Variants in PPM1G observed in about 807,000 individuals in gnomAD.
The protein encoded by PPM1G is protein phosphatase, Mg2+/Mn2+ dependent 1G.
PPM1G carries 12 observed loss-of-function variants against 59.4 expected under a neutral mutation model. The observed-to-expected ratio is 0.20, with a 90% confidence interval of 0.13 to 0.33. The LOEUF (loss-of-function observed/expected upper bound fraction) is 0.33. PPM1G is among the 10% of genes least tolerant of loss of function. PPM1G has a pLI of 1.00. For synonymous variants in PPM1G, 245 were observed against 251.9 expected (o/e 0.97, Z 0.26); for missense variants, 392 against 681.3 (o/e 0.58, Z 4.73).
intron 1 of PPM1G, chr2:27,393,377 T>C (rs1683966720): frequency 1.3e-6 from 2 of 1,539,416 alleles, no homozygotes; most frequent in East Asian, 4.5e-5. Flanking sequence ...TGCCGGCGAC[T>C]AAGGAGAGGC....
At position 27,384,040 on chromosome 2, in the gene PPM1G, T is replaced by G; in HGVS notation, c.878A>C (p.Glu293Ala). 1 of 1,611,300 alleles carries G rather than the reference T, an allele frequency of 6.2e-7. No homozygotes were observed. Among genetic ancestry groups the G allele is most frequent in the African/African-American group, 1.3e-5 (1 of 74,978 alleles). The change falls in exon 6 of 10, where the codon GAA (glutamate) becomes GCA (alanine). Residue 293 changes from glutamate (E) to alanine (A), a missense_variant. By Grantham distance (107) the Glu-to-Ala change is moderately radical. Coordinates refer to ENST00000344034, the MANE Select transcript of PPM1G (RefSeq NM_177983.3). This position sits in a 1 kb window ranked among gnomAD's most constrained non-coding sequence, Gnocchi z 4.8. Reference sequence around the variant, plus strand: ...AGCCTCCTCGGTGTCATCCTCATCTTCCTCATTCTCTGCCTCCTCACTGCT... The same window carrying G: ...AGCCTCCTCGGTGTCATCCTCATCTGCCTCATTCTCTGCCTCCTCACTGCT... ...GYSSEEAENE[E>A]DEDDTEEAEE...
rs535193840 is a variant in PPM1G at position 27,389,772 on chromosome 2, T to G, written c.121-2614A>C. Among the ~76,000 whole-genome samples the G allele has an allele frequency of 2.0e-5, 3 of 152,218 alleles. No individual in the cohort carries two copies. The South Asian group carries it at 6.2e-4, about 32-fold the overall frequency. On this transcript the variant is annotated intron_variant, in intron 1 of 9. Coordinates refer to ENST00000344034, the MANE Select transcript of PPM1G (RefSeq NM_177983.3). ...TGAGATCAGGAGTTGGAGACCAGCC[T>G]AGGCAACATAGCAAGACCCCGCCTC...
chr2:27,394,674 C>T (rs1257897004), intron 1 of PPM1G, among the ~76,000 whole-genome samples: 7 of 137,846 alleles, frequency 5.1e-5, no homozygotes, highest in Non-Finnish European at 6.1e-5. Flanking sequence ...GACCAGGAGG[C>T]GGAGGTTGCA....
Position 27,385,791 on chromosome 2 carries a change from G to C in PPM1G, c.365C>G (p.Thr122Ser), listed in dbSNP as rs1174340628. The change falls in exon 4 of 10, where the codon ACT (threonine) becomes AGT (serine). Residue 122 changes from threonine to serine, a missense_variant. Coordinates refer to ENST00000344034, the MANE Select transcript of PPM1G (RefSeq NM_177983.3). This position sits in a 1 kb window ranked among gnomAD's most constrained non-coding sequence, Gnocchi z 4.1. Reference protein sequence around the residue: ...KELAQIAGRPTEDEDEKEKVA... With the variant: ...KELAQIAGRPSEDEDEKEKVA... Reference sequence around the variant, plus strand: ...TTTTTCTTTTTCATCTTCATCCTCAGTGGGTCGCCCTGCAATCTGTGCCAG... The same window carrying C: ...TTTTTCTTTTTCATCTTCATCCTCACTGGGTCGCCCTGCAATCTGTGCCAG... The C allele has an allele frequency of 2.5e-6, 4 of 1,614,022 alleles. No homozygotes were observed. Among genetic ancestry groups the C allele is most frequent in the South Asian group, 2.2e-5 (2 of 91,042 alleles).
chr2:27,399,173 A>AACAAC (rs1278435300), intron 1 of PPM1G, among the ~76,000 whole-genome samples: 1,133 of 99,914 alleles, frequency 0.011, 9 homozygotes, highest in African/African-American at 0.049. Flanking sequence ...ACAACAACAA[A>AACAAC]AACAAAACAA....
At chr2:27,381,943 T>C (rs535488391) in intron 9 of PPM1G, 138 bp from the exon 10 acceptor site, 2 of 1,006,554 alleles carry the variant, frequency 2.0e-6, no homozygotes, top group Non-Finnish European at 3.0e-6. Flanking sequence ...ACGGCCCACC[T>C]GCTAGTCCAT....
At chr2:27,403,314 C>T (rs982154574) in intron 1 of PPM1G, among the ~76,000 whole-genome samples, 11 of 151,940 alleles carry the variant, frequency 7.2e-5, no homozygotes, top group Middle Eastern at 3.4e-3. Flanking sequence ...GGCATGGTGG[C>T]GAGTGCCTGT....
chr2:27,392,092 C>CAA (rs76478913), intron 1 of PPM1G, among the ~76,000 whole-genome samples: 6 of 135,348 alleles, frequency 4.4e-5, no homozygotes, highest in African/African-American at 1.6e-4. Context: ...CAGCAGTCTG[C>CAA]AAAAAAAAAA....
At chr2:27,409,126 A>G (rs1452393588) in intron 1 of PPM1G, among the ~76,000 whole-genome samples, 177 bp downstream of exon 1, 3 of 152,130 alleles carry the variant, frequency 2.0e-5, no homozygotes, top group Non-Finnish European at 4.4e-5. Context: ...ACGGTCCCCA[A>G]GCATCGGGAG....
chr2:27,393,434 G>A lies in PPM1G; in HGVS notation c.121-6276C>T, dbSNP rs1002530656. On this transcript the variant is annotated intron_variant, in intron 1 of 9. Coordinates refer to ENST00000344034, the MANE Select transcript of PPM1G (RefSeq NM_177983.3). ...TACGCGGCGCTGGAGCTGCGGCGGG[G>A]GCCTTGGGGCAGTCCGAGGGCATGG... is the stretch of plus-strand genomic sequence containing the variant. The A allele has an allele frequency of 4.0e-6, 4 of 1,008,008 alleles. No individual in the cohort carries two copies. In the African/African-American group the frequency reaches 4.8e-5, roughly 12 times the overall value. 62.4% of individuals were successfully genotyped at this position (1,008,008 alleles called of 1,614,324 possible). A position where few individuals can be genotyped will look rare whatever the true frequency, so the allele number is the denominator to read the frequency against.
At chr2:27,389,443 A>G (rs961702747) in intron 1 of PPM1G, among the ~76,000 whole-genome samples, 1 of 152,136 alleles carries the variant, frequency 6.6e-6, no homozygotes, top group African/African-American at 2.4e-5. Context: ...TGGGATCTAT[A>G]TTATGATTTG....
At position 27,381,531 on chromosome 2, in the gene PPM1G, G is replaced by A. The variant is rs1430265130; in HGVS notation, c.*68C>T. ...CCCACTGCTAAGGCTAAAGGAAAAA[G>A]ACAAAACTCAGTCTCAGGTCCGGAG... On this transcript the variant is annotated 3_prime_UTR_variant, in exon 10 of 10. Transcript: ENST00000344034. 5.0e-6 allele frequency: 8 copies of A among 1,587,630 alleles called. No homozygotes were observed. The highest frequency in any genetic ancestry group is 4.0e-5 in the African/African-American group (3 of 74,234).
At chr2:27,408,810 A>T (rs1353994586) in intron 1 of PPM1G, among the ~76,000 whole-genome samples, 2 of 152,190 alleles carry the variant, frequency 1.3e-5, no homozygotes, top group African/African-American at 4.8e-5. Flanking sequence ...AAAATGTGAA[A>T]CAGACTCTGC....
chr2:27,406,672 G>A (rs1558323084), intron 1 of PPM1G, among the ~76,000 whole-genome samples: 3 of 152,238 alleles, frequency 2.0e-5, no homozygotes, highest in African/African-American at 7.2e-5. Flanking sequence ...GCCCTACAGA[G>A]AAGCAGCAAA....
rs778306059 is a variant in PPM1G at position 27,384,666 on chromosome 2, C to T, written c.825+7G>A. The T allele has an allele frequency of 1.6e-5, 26 of 1,599,302 alleles. No individual in the cohort carries two copies. In the Admixed American group the frequency reaches 4.2e-4, roughly 26 times the overall value. On this transcript the variant is annotated splice_region_variant and intron_variant, in intron 5 of 9. Transcript: ENST00000344034. The surrounding 1 kb of genome is among the most constrained non-coding windows in gnomAD (Gnocchi z 4.8). ...TTCAGCATCTGCCTGCCCTCACAGGCCCTTACCTCACTGTCTTCCTCTTCT... is the reference window on the plus strand; with the variant it reads ...TTCAGCATCTGCCTGCCCTCACAGGTCCTTACCTCACTGTCTTCCTCTTCT...
intron 3 of PPM1G, 26 bp downstream of exon 3, chr2:27,386,168 G>C (rs1683759129): frequency 1.3e-6 from 2 of 1,581,342 alleles, no homozygotes; most frequent in African/African-American, 2.7e-5. Context: ...ACACAAGTGA[G>C]GAATGGGCGG....
At position 27,388,126 on chromosome 2, in the gene PPM1G, TG is replaced by T. The variant is rs1435658177; in HGVS notation, c.121-969del. Among the ~76,000 whole-genome samples, 6 of 151,970 alleles carry T rather than the reference TG, an allele frequency of 3.9e-5. No homozygotes were observed. In the East Asian group the frequency reaches 1.2e-3, roughly 30 times the overall value. On this transcript the variant is annotated intron_variant, in intron 1 of 9. Coordinates refer to ENST00000344034, the MANE Select transcript of PPM1G (RefSeq NM_177983.3). ...AGCATTATTTATAATAAAAAACAGT[TG>T]AGGCCAGGCGTGGTGGCTCACACCT...
intron 1 of PPM1G, among the ~76,000 whole-genome samples, chr2:27,405,874 A>G (rs1458761786): frequency 6.6e-6 from 1 of 151,872 alleles, no homozygotes; most frequent in Non-Finnish European, 1.5e-5. Flanking sequence ...GTGGTGGCAC[A>G]TGCCTGTAAT....
chr2:27,393,444 C>T, intron 1 of PPM1G: 1 of 924,654 alleles, frequency 1.1e-6, no homozygotes, highest in Non-Finnish European at 1.7e-6. Context: ...GGCCTTGGGG[C>T]AGTCCGAGGG....
Sources: gnomAD v4.1 joint callset for allele counts (sites outside exome capture counted in the v4.1 genomes callset) on GRCh38, gnomAD v4.1.1 for gene constraint, Gnocchi (gnomAD v3.1) non-coding constraint, MANE v1.5 for transcripts, NCBI Gene and HGNC (gene_info 2026-07-23, HGNC 2026-07-21) for gene names.